Variants in SCUBE1 observed in about 807,000 individuals in gnomAD.
SCUBE1 encodes signal peptide, CUB domain and EGF like domain containing 1.
In SCUBE1, 59 loss-of-function variants were observed where a neutral mutation model predicts 124.4. The observed-to-expected ratio is 0.47, with a 90% CI of 0.38 to 0.59. The LOEUF (loss-of-function observed/expected upper bound fraction) is 0.59, where lower values mean the gene tolerates loss of function less well. Ranked by LOEUF, SCUBE1 falls within the 20% of genes least tolerant of loss-of-function variation. The pLI is 0.00. For synonymous variants in SCUBE1, 545 were observed against 550.9 expected (o/e 0.99, Z 0.15); for missense variants, 1,150 against 1,371.2 (o/e 0.84, Z 2.55).
At chr22:43,226,426 T>TTG (rs1555992821) in intron 10 of SCUBE1, among the ~76,000 whole-genome samples, 78 of 151,294 alleles carry the variant, frequency 5.2e-4, no homozygotes, top group Admixed American at 2.6e-4. Flanking sequence ...AGTGCTGGTG[T>TTG]GGGGGGGCCC....
At position 43,338,998 on chromosome 22, in the gene SCUBE1, G is replaced by A. The variant is rs1927175910; in HGVS notation, c.220+106C>T. On this transcript the variant is annotated intron_variant, in intron 2 of 21. Transcript: ENST00000360835. ...TGTGCTGTCAGCAACCACAATGGTG[G>A]TGCTGGAGGCTCAGCCCCAGCTGGT... 7 of 1,317,880 alleles carry A rather than the reference G, an allele frequency of 5.3e-6. No homozygotes were observed. The South Asian group carries it at 6.1e-5, about 11-fold the overall frequency. 81.6% of individuals were successfully genotyped at this position (1,317,880 alleles called of 1,614,324 possible).
At position 43,339,157 on chromosome 22, in the gene SCUBE1, G is replaced by T. The variant is rs1927182812; in HGVS notation, c.167C>A (p.Ser56Tyr). 6.2e-7 allele frequency: 1 copy of T among 1,613,804 alleles called. No individual in the cohort carries two copies. Among genetic ancestry groups the T allele is most frequent in the Non-Finnish European group, 8.5e-7 (1 of 1,179,844 alleles). Residue 56 changes from serine (S) to tyrosine (Y), a missense_variant, in exon 2 of 22, where the codon TCC becomes TAC. Ser to Tyr is a moderately radical substitution (Grantham distance 144). Transcript: ENST00000360835. The part of the protein sequence containing the change: ...IDAICQNTPK[S>Y]YKCLCKPGYK... ...GCCTGGCTTGCAGAGGCATTTGTAG[G>T]ACTTGGGCGTGTTCTGACAGATGGC...
intron 3 of SCUBE1, among the ~76,000 whole-genome samples, chr22:43,310,214 C>G (rs946716337): frequency 6.6e-6 from 1 of 152,058 alleles, no homozygotes; most frequent in Non-Finnish European, 1.5e-5. Flanking sequence ...ACAGTTCCTA[C>G]CACACTTGTC....
At chr22:43,232,919 C>T (rs1410361312) in intron 7 of SCUBE1, among the ~76,000 whole-genome samples, 1 of 152,218 alleles carries the variant, frequency 6.6e-6, no homozygotes. Context: ...CAAGGGGCCT[C>T]TTCTCCAAGG....
intron 14 of SCUBE1, among the ~76,000 whole-genome samples, chr22:43,219,466 G>A (rs1921986110): frequency 1.3e-5 from 2 of 150,574 alleles, no homozygotes; most frequent in African/African-American, 4.9e-5. Context: ...AACGCAAATA[G>A]ACTAAAACAT....
chr22:43,215,424 G>A (rs1327521090), intron 15 of SCUBE1, among the ~76,000 whole-genome samples: 1 of 152,258 alleles, frequency 6.6e-6, no homozygotes, highest in African/African-American at 2.4e-5. Flanking sequence ...CGTGGAACAT[G>A]GAACAAATGG....
In SCUBE1 at chr22:43,291,173, G is replaced by A. The variant is rs148070276; in HGVS notation, c.357C>T (p.Asp119=). Residue 119 remains aspartate, a synonymous_variant, in exon 4 of 22, where the codon GAC becomes GAT. Transcript: ENST00000360835. ...AGCCACCATTATTGTCCTGACACTC[G>A]TCCACATCTGTGAGAAAAGGAAGAG... ...AHDGHNCLDV[D]ECQDNNGGCQ... is the part of the protein sequence containing the mutation. 138 of 1,606,984 alleles carry A rather than the reference G, an allele frequency of 8.6e-5. 1 individual carries two copies. In the Middle Eastern group the frequency reaches 1.2e-3, roughly 14 times the overall value.
intron 4 of SCUBE1, among the ~76,000 whole-genome samples, chr22:43,276,371 G>A (rs1218802150): frequency 2.6e-5 from 4 of 152,184 alleles, no homozygotes; most frequent in Non-Finnish European, 5.9e-5. Flanking sequence ...CATGCTGAAA[G>A]AGTCTGGTGA....
chr22:43,281,488 G>GGCCACCCTCCTGTCACCTCCTCCTCA (rs1478538697), intron 4 of SCUBE1, among the ~76,000 whole-genome samples: 7 of 72,544 alleles, frequency 9.6e-5, no homozygotes, highest in Admixed American at 2.6e-4. Context: ...CTCCCTCTTT[G>GGCCACCCTCCTGTCACCTCCTCCTCA]GCCACCCTCC....
intron 4 of SCUBE1, among the ~76,000 whole-genome samples, chr22:43,279,157 G>A (rs2146732411): frequency 6.6e-6 from 1 of 152,288 alleles, no homozygotes; most frequent in South Asian, 2.1e-4. Context: ...ACGCTGCTGG[G>A]GAGAAACACT....
At chr22:43,320,459 C>A (rs1470062397) in intron 2 of SCUBE1, among the ~76,000 whole-genome samples, 1 of 152,264 alleles carries the variant, frequency 6.6e-6, no homozygotes, top group Admixed American at 6.5e-5. Flanking sequence ...TGCATTTCAA[C>A]TGCTCCAGCT....
intron 4 of SCUBE1, among the ~76,000 whole-genome samples, chr22:43,263,608 C>T (rs777574070): frequency 1.3e-5 from 2 of 152,328 alleles, no homozygotes; most frequent in Middle Eastern, 3.4e-3. Context: ...AGGACTGGCT[C>T]AATCCTGACC....
chr22:43,214,805 C>T (rs897900891), intron 15 of SCUBE1, among the ~76,000 whole-genome samples: 3 of 152,230 alleles, frequency 2.0e-5, no homozygotes, highest in African/African-American at 7.2e-5. Flanking sequence ...ACAAATACGT[C>T]GACTGATGAG....
At chr22:43,252,712 C>A (rs1167191106) in intron 6 of SCUBE1, among the ~76,000 whole-genome samples, 1 of 152,204 alleles carries the variant, frequency 6.6e-6, no homozygotes, top group East Asian at 1.9e-4. Context: ...TGAGGATGAC[C>A]CAGTTCTGAG....
chr22:43,238,964 G>A lies in SCUBE1; in HGVS notation c.728-10C>T, dbSNP rs1317274448. ...TTGACTGCGCACGTCTCTGGGGAGGGAAAGAGACAGAGACCTCAGTTTCCT... is the reference window on the plus strand; with the variant it reads ...TTGACTGCGCACGTCTCTGGGGAGGAAAAGAGACAGAGACCTCAGTTTCCT... On this transcript the variant is annotated splice_polypyrimidine_tract_variant and intron_variant, in intron 6 of 21. Coordinates refer to ENST00000360835, the MANE Select transcript of SCUBE1 (RefSeq NM_173050.5). The A allele has an allele frequency of 1.3e-6, 2 of 1,597,364 alleles. No homozygotes were observed. Among genetic ancestry groups the A allele is most frequent in the Admixed American group, 1.7e-5 (1 of 59,926 alleles).
At chr22:43,206,887 C>T (rs1394055146) in intron 21 of SCUBE1, among the ~76,000 whole-genome samples, 2 of 152,184 alleles carry the variant, frequency 1.3e-5, no homozygotes, top group African/African-American at 2.4e-5. Context: ...GGCGGCAGCA[C>T]GTGACTGGCA....
chr22:43,217,783 G>A (rs1453289530), intron 15 of SCUBE1, among the ~76,000 whole-genome samples: 1 of 152,002 alleles, frequency 6.6e-6, no homozygotes, highest in Non-Finnish European at 1.5e-5. Flanking sequence ...CTGGGGGCCG[G>A]CCTCACCTGC....
At chr22:43,223,423 C>G (rs745592237) in intron 10 of SCUBE1, among the ~76,000 whole-genome samples, 46 of 152,156 alleles carry the variant, frequency 3.0e-4, no homozygotes, top group Non-Finnish European at 5.4e-4. Context: ...GTCCCTCCTC[C>G]CCTTCAGGCT....
At chr22:43,278,999 C>G (rs1924649988) in intron 4 of SCUBE1, among the ~76,000 whole-genome samples, 1 of 152,096 alleles carries the variant, frequency 6.6e-6, no homozygotes, top group Admixed American at 6.5e-5. Context: ...AGGCCACAGA[C>G]AAGCCAGAGT....
Sources: allele counts gnomAD v4.1 joint callset (sites outside exome capture counted in the v4.1 genomes callset), GRCh38; gene constraint gnomAD v4.1.1; transcripts MANE v1.5; gene names NCBI Gene and HGNC (gene_info 2026-07-23, HGNC 2026-07-21).